ADGRA2: variants seen among roughly 807,000 people sequenced by gnomAD.
ADGRA2 encodes adhesion G protein-coupled receptor A2, also known as G-protein coupled receptor 124.
A neutral mutation model predicts 98.7 loss-of-function variants in ADGRA2; 61 were observed. The ratio of observed to expected loss-of-function variants is 0.62; its 90% CI spans 0.50 to 0.76. The LOEUF (loss-of-function observed/expected upper bound fraction) is 0.76. ADGRA2 is among the 30% of genes least tolerant of loss of function. The probability of loss-of-function intolerance (pLI) is 0.00; values close to 1 mark genes in which losing one functional copy is unlikely to be tolerated. For synonymous variants in ADGRA2, 858 were observed against 831.5 expected (o/e 1.03, Z -0.55); for missense variants, 1,712 against 1,860.0 (o/e 0.92, Z 1.46).
intron 1 of ADGRA2, among the ~76,000 whole-genome samples, chr8:37,798,560 G>T (rs1021599861): frequency 1.3e-5 from 2 of 152,220 alleles, no homozygotes; most frequent in Admixed American, 6.5e-5. Flanking sequence ...GTGGATTTGA[G>T]GGTCGGGCCC....
Position 37,838,174 on chromosome 8 carries a change from T to G in ADGRA2, c.2259+235T>G, listed in dbSNP as rs368888472. ...CCATGCCTATATCCAGATAGTTGGA[T>G]CTGATGGATCTGGAACTCCCGATGG... On this transcript the variant is annotated intron_variant, in intron 14 of 18. Coordinates refer to ENST00000412232, the MANE Select transcript of ADGRA2 (RefSeq NM_032777.10). Among the ~76,000 whole-genome samples the G allele has an allele frequency of 7.8e-4, 119 of 152,036 alleles. 2 individuals carry two copies. In the South Asian group the frequency reaches 0.024, roughly 30 times the overall value.
chr8:37,813,817 C>A (rs1652706865), intron 1 of ADGRA2, among the ~76,000 whole-genome samples: 1 of 152,238 alleles, frequency 6.6e-6, no homozygotes, highest in African/African-American at 2.4e-5. Flanking sequence ...CTCCCCACTG[C>A]CCCTGGTCTG....
intron 1 of ADGRA2, among the ~76,000 whole-genome samples, chr8:37,798,442 C>A (rs1223221607): frequency 2.0e-5 from 3 of 152,244 alleles, no homozygotes; most frequent in Non-Finnish European, 2.9e-5. Context: ...CGACCCCAAG[C>A]CTCCTACAAG....
At chr8:37,826,723 TCTC>T (rs1313411349) in intron 2 of ADGRA2, among the ~76,000 whole-genome samples, 1 of 151,974 alleles carries the variant, frequency 6.6e-6, no homozygotes, top group Non-Finnish European at 1.5e-5. Flanking sequence ...ACCCATTTCC[TCTC>T]CTCCCAGCGG....
At chr8:37,810,498 GCT>G (rs762577419) in intron 1 of ADGRA2, among the ~76,000 whole-genome samples, 5 of 150,618 alleles carry the variant, frequency 3.3e-5, no homozygotes, top group South Asian at 2.1e-4. Context: ...ACAGAGCAAG[GCT>G]CTCTCTCTCA....
chr8:37,799,585 G>C (rs1804438711), intron 1 of ADGRA2, among the ~76,000 whole-genome samples: 1 of 152,088 alleles, frequency 6.6e-6, no homozygotes, highest in Non-Finnish European at 1.5e-5. Flanking sequence ...ATCAGGCCAT[G>C]GTTAATTCCT....
At chr8:37,829,767 C>A in intron 5 of ADGRA2, 84 bp from the exon 6 acceptor site, 1 of 1,389,926 alleles carries the variant, frequency 7.2e-7, no homozygotes, top group Non-Finnish European at 1.0e-6. Context: ...CCCTCTCCAG[C>A]TTCATCCCTC....
intron 13 of ADGRA2, among the ~76,000 whole-genome samples, chr8:37,837,301 C>T (rs2130044695): frequency 6.6e-6 from 1 of 152,288 alleles, no homozygotes; most frequent in East Asian, 1.9e-4. Context: ...CCAGGGCCTG[C>T]TCCGGGAGCC....
At chr8:37,807,881 G>A (rs1804722919) in intron 1 of ADGRA2, among the ~76,000 whole-genome samples, 1 of 152,218 alleles carries the variant, frequency 6.6e-6, no homozygotes, top group Non-Finnish European at 1.5e-5. Flanking sequence ...TGACATGCAT[G>A]ACTCTTCCCG....
chr8:37,842,349 C>A lies in ADGRA2; in HGVS notation c.4011C>A (p.Thr1337=), dbSNP rs1805833752. The change falls in exon 19 of 19, where the codon ACC becomes ACA. Residue 1337 remains threonine, a synonymous_variant. Coordinates refer to ENST00000412232, the MANE Select transcript of ADGRA2 (RefSeq NM_032777.10). ...CCGGACTCTGGAAGAGCGAAACTAC[C>A]GTCTAAGGTGGGGCGGGCGACGCGG... ...MKTGLWKSET[T]V 4 of 1,479,860 alleles carry A rather than the reference C, an allele frequency of 2.7e-6. No individual in the cohort carries two copies. In the South Asian group the frequency reaches 5.5e-5, roughly 20 times the overall value. 91.7% of individuals were successfully genotyped at this position (1,479,860 alleles called of 1,614,324 possible).
In ADGRA2 at chr8:37,814,931, A is replaced by G. The variant is rs752915472; in HGVS notation, c.302A>G (p.Asn101Ser). Residue 101 changes from asparagine to serine, a missense_variant, in exon 2 of 19, where the codon AAT (asparagine) becomes AGT (serine). Asn to Ser is a conservative substitution (Grantham distance 46, BLOSUM62 1). Transcript: ENST00000412232. This position sits in a 1 kb window ranked among gnomAD's most constrained non-coding sequence, Gnocchi z 4.3. The stretch of plus-strand genomic sequence containing the variant: ...AATAACAAGATCACGGGGCTCCGCA[A>G]TGGCTCCTTCCTGGGACTGTCACTG... ...LSNNKITGLR[N>S]GSFLGLSLLE... is the part of the protein sequence containing the mutation. 1.8e-5 allele frequency: 29 copies of G among 1,613,190 alleles called. No homozygotes were observed. The highest frequency in any genetic ancestry group is 2.4e-5 in the Non-Finnish European group (28 of 1,179,240).
chr8:37,839,157 C>A (rs954941047), intron 15 of ADGRA2, 74 bp downstream of exon 15: 2 of 1,562,006 alleles, frequency 1.3e-6, no homozygotes, highest in Non-Finnish European at 1.8e-6. Flanking sequence ...ACTTCCCGTC[C>A]TATGCTCCGG....
intron 2 of ADGRA2, among the ~76,000 whole-genome samples, chr8:37,819,064 G>T (rs1347224930): frequency 6.6e-6 from 1 of 152,212 alleles, no homozygotes; most frequent in Admixed American, 6.5e-5. Flanking sequence ...TGATGCCGGG[G>T]TGGCTACTGG....
Position 37,840,177 on chromosome 8 carries a change from G to A in ADGRA2, c.2568G>A (p.Lys856=). Residue 856 remains lysine, a synonymous_variant, in exon 17 of 19, where the codon AAG becomes AAA. Coordinates refer to ENST00000412232, the MANE Select transcript of ADGRA2 (RefSeq NM_032777.10). ...SLSTLLWMGV[K]ARVLHKELTW... ...CCACGCTGCTCTGGATGGGCGTGAA[G>A]GCGCGAGTGCTCCATAAGGAGCTCA... The A allele has an allele frequency of 6.2e-7, 1 of 1,611,792 alleles. No individual in the cohort carries two copies. The highest frequency in any genetic ancestry group is 8.5e-7 in the Non-Finnish European group (1 of 1,179,872).
intron 1 of ADGRA2, among the ~76,000 whole-genome samples, chr8:37,803,374 C>G (rs904718267): frequency 8.5e-5 from 13 of 152,190 alleles, no homozygotes; most frequent in African/African-American, 3.1e-4. Context: ...AGAGGCTGCC[C>G]CAGCCTCCCT....
rs1585398090 is a variant in ADGRA2 at position 37,830,835 on chromosome 8, T to C, written c.844T>C (p.Tyr282His). 2 of 1,592,256 alleles carry C rather than the reference T, an allele frequency of 1.3e-6. No homozygotes were observed. The highest frequency in any genetic ancestry group is 4.6e-5 in the East Asian group (2 of 43,768). The change falls in exon 7 of 19, where the codon TAC (tyrosine) becomes CAC (histidine). Residue 282 changes from tyrosine to histidine, a missense_variant. Tyr to His is a moderately conservative substitution (Grantham distance 83). Transcript: ENST00000412232. The surrounding 1 kb of genome is among the most constrained non-coding windows in gnomAD (Gnocchi z 4.8). ...YLGNDTRIRW[Y>H]HNRAPVEGDE... ...GGGCAACGACACCCGCATCCGCTGGTACCACAACCGAGCCCCTGTGGAGGG... is the reference window on the plus strand; with the variant it reads ...GGGCAACGACACCCGCATCCGCTGGCACCACAACCGAGCCCCTGTGGAGGG...
chr8:37,844,720 C>T lies in ADGRA2; in HGVS notation c.*2365C>T. On this transcript the variant is annotated 3_prime_UTR_variant, in exon 19 of 19. Transcript: ENST00000412232. Reference sequence around the variant, plus strand: ...GCCGGCCGCTTCCCCTGGGGTAAACCTAAGGAATTATTTCCCACCTCCCCT... The same window carrying T: ...GCCGGCCGCTTCCCCTGGGGTAAACTTAAGGAATTATTTCCCACCTCCCCT... The T allele has an allele frequency of 6.2e-7, 1 of 1,614,066 alleles. No individual in the cohort carries two copies.
intron 13 of ADGRA2, among the ~76,000 whole-genome samples, chr8:37,836,093 A>ACC (rs1805607952): frequency 1.8e-5 from 2 of 110,072 alleles, no homozygotes; most frequent in African/African-American, 7.6e-5. Flanking sequence ...ACACACACAC[A>ACC]CACACCCCAC....
chr8:37,841,683 C>T lies in ADGRA2; in HGVS notation c.3345C>T (p.Pro1115=). The change falls in exon 19 of 19, where the codon CCC becomes CCT. Residue 1115 remains proline (P), a synonymous_variant. Transcript: ENST00000412232. This position sits in a 1 kb window ranked among gnomAD's most constrained non-coding sequence, Gnocchi z 5.0. The part of the protein sequence containing the change: ...DGSPVFGEGP[P]SLKSSPSGSS... ...CCCCGGTGTTCGGGGAGGGCCCCCC[C>T]TCCCTCAAGTCCTCCCCAAGCGGCA... is the stretch of plus-strand genomic sequence containing the variant. 6.5e-7 allele frequency: 1 copy of T among 1,533,124 alleles called. No homozygotes were observed. Among genetic ancestry groups the T allele is most frequent in the Non-Finnish European group, 8.8e-7 (1 of 1,139,900 alleles). 95.0% of individuals were successfully genotyped at this position (1,533,124 alleles called of 1,614,324 possible). A position where few individuals can be genotyped will look rare whatever the true frequency, so the allele number is the denominator to read the frequency against.
Sources: allele counts gnomAD v4.1 joint callset (sites outside exome capture counted in the v4.1 genomes callset), GRCh38; gene constraint gnomAD v4.1.1; non-coding constraint Gnocchi (gnomAD v3.1); transcripts MANE v1.5; gene names NCBI Gene and HGNC (gene_info 2026-07-23, HGNC 2026-07-21).